The following LRRC37A2 variants were observed in gnomAD, a reference collection of about 807,000 sequenced individuals.
LRRC37A2 encodes leucine-rich repeat-containing protein 37A2.
In LRRC37A2, 9 loss-of-function variants were observed where a neutral mutation model predicts 68.8. The observed-to-expected ratio is 0.13, with a 90% CI of 0.08 to 0.23. The LOEUF is 0.23. LRRC37A2 is among the 10% of genes least tolerant of loss of function. The probability of loss-of-function intolerance (pLI) is 1.00; values close to 1 mark genes in which losing one functional copy is unlikely to be tolerated. For missense variants in LRRC37A2, 168 were observed against 950.4 expected, an observed-to-expected ratio of 0.18 and a Z score of 10.82; for synonymous variants, 63 against 367.6, an observed-to-expected ratio of 0.17 and a Z score of 9.48.
chr17:46,853,232 C>T, the LRRC37A2 span, among the ~76,000 whole-genome samples: 4 of 152,088 alleles, frequency 2.6e-5, no homozygotes, highest in African/African-American at 9.7e-5. Flanking sequence ...AACTTAACCT[C>T]TCTGTCTCTC....
the LRRC37A2 span, among the ~76,000 whole-genome samples, chr17:46,881,282 C>T: frequency 8.5e-5 from 13 of 152,258 alleles, no homozygotes; most frequent in Admixed American, 8.5e-4. Context: ...CCTACATTTC[C>T]ACCAGCATCC....
the LRRC37A2 span, among the ~76,000 whole-genome samples, chr17:46,739,370 CAAAAAAAAAA>C: frequency 1.9e-5 from 1 of 53,192 alleles, no homozygotes; most frequent in Admixed American, 3.5e-4. Context: ...GACTCTGTCT[CAAAAAAAAAA>C]AAAAAAAAAA....
At chr17:46,893,499 C>T in the LRRC37A2 span, among the ~76,000 whole-genome samples, 4 of 152,098 alleles carry the variant, frequency 2.6e-5, no homozygotes, top group African/African-American at 9.7e-5. Context: ...TTTCATTCTC[C>T]CCACCAGGCA....
chr17:46,496,648 C>T, the LRRC37A2 span, among the ~76,000 whole-genome samples: 1 of 128,956 alleles, frequency 7.8e-6, no homozygotes. Context: ...GGTGCAGTGG[C>T]TCATGCCTGT....
At chr17:46,791,183 T>C in the LRRC37A2 span, among the ~76,000 whole-genome samples, 5 of 151,804 alleles carry the variant, frequency 3.3e-5, no homozygotes, top group Non-Finnish European at 7.4e-5. Context: ...TGCAGCTACA[T>C]TTCCCCCCAA....
At chr17:46,985,338 G>A in the LRRC37A2 span, among the ~76,000 whole-genome samples, 1 of 152,036 alleles carries the variant, frequency 6.6e-6, no homozygotes, top group South Asian at 2.1e-4. Context: ...GACCAACATG[G>A]TGAAACCCTG....
the LRRC37A2 span, among the ~76,000 whole-genome samples, chr17:46,823,044 TTATAATAAATA>T: frequency 7.1e-6 from 1 of 141,788 alleles, no homozygotes; most frequent in East Asian, 2.0e-4. Context: ...AAATATGTAT[TTATAATAAATA>T]TGTATTTATA....
chr17:46,876,683 G>T, the LRRC37A2 span: 4 of 1,578,460 alleles, frequency 2.5e-6, no homozygotes, highest in Middle Eastern at 1.7e-4. Context: ...CCAGCAATGT[G>T]TGCAGGAGGA....
the LRRC37A2 span, among the ~76,000 whole-genome samples, chr17:46,765,899 C>A: frequency 6.6e-6 from 1 of 152,188 alleles, no homozygotes; most frequent in Non-Finnish European, 1.5e-5. Flanking sequence ...GAAGAGCTGG[C>A]CTGGGAGTGT....
chr17:46,996,976 C>G, the LRRC37A2 span, among the ~76,000 whole-genome samples: 1 of 152,164 alleles, frequency 6.6e-6, no homozygotes, highest in Admixed American at 6.5e-5. Context: ...GACTCCAGGT[C>G]ATGGAATAGT....
At chr17:46,813,537 G>T in the LRRC37A2 span, among the ~76,000 whole-genome samples, 4 of 151,974 alleles carry the variant, frequency 2.6e-5, no homozygotes, top group South Asian at 8.3e-4. Context: ...AGGATGTCTT[G>T]CCCTCCTTGG....
the LRRC37A2 span, among the ~76,000 whole-genome samples, chr17:47,012,049 C>A: frequency 6.6e-6 from 1 of 152,116 alleles, no homozygotes; most frequent in Non-Finnish European, 1.5e-5. Flanking sequence ...GGCTTCCCAC[C>A]ACCTCAGATT....
At chr17:46,787,735 A>G in the LRRC37A2 span, among the ~76,000 whole-genome samples, 2 of 152,160 alleles carry the variant, frequency 1.3e-5, no homozygotes, top group Admixed American at 1.3e-4. Context: ...AGGCAGATCA[A>G]CTGAAGTCAG....
chr17:46,872,419 G>A, the LRRC37A2 span: 1 of 1,390,912 alleles, frequency 7.2e-7, no homozygotes, highest in South Asian at 2.0e-5. Context: ...CTGCCCAGAA[G>A]GGCAGTAAAT....
At chr17:46,779,103 A>ACACACACACACCCCCCCCC in the LRRC37A2 span, among the ~76,000 whole-genome samples, 1 of 133,590 alleles carries the variant, frequency 7.5e-6, no homozygotes, top group Admixed American at 7.8e-5. Flanking sequence ...ACACACACAC[A>ACACACACACACCCCCCCCC]CCCCAGCCCA....
the LRRC37A2 span, among the ~76,000 whole-genome samples, chr17:46,761,321 T>G: frequency 2.3e-4 from 34 of 149,840 alleles, no homozygotes; most frequent in South Asian, 4.2e-4. Flanking sequence ...ATTTTCCTGG[T>G]TTTTTTTTGT....
chr17:46,794,397 C>T, the LRRC37A2 span, among the ~76,000 whole-genome samples: 16 of 152,214 alleles, frequency 1.1e-4, no homozygotes, highest in South Asian at 1.2e-3. Context: ...CTGGATCCCC[C>T]GACAGGACCT....
chr17:46,913,474 G>A, the LRRC37A2 span, among the ~76,000 whole-genome samples: 1 of 152,260 alleles, frequency 6.6e-6, no homozygotes, highest in African/African-American at 2.4e-5. Flanking sequence ...CCCCAAGGAA[G>A]GTGAATTCAG....
chr17:46,941,434 C>T, the LRRC37A2 span: 2 of 984,068 alleles, frequency 2.0e-6, no homozygotes, highest in Admixed American at 6.1e-5. Flanking sequence ...GTTTCTAGGC[C>T]AGAGATTCTC....
Sources: allele counts gnomAD v4.1 joint callset (sites outside exome capture counted in the v4.1 genomes callset), GRCh38; gene constraint gnomAD v4.1.1; transcripts MANE v1.5; gene names NCBI Gene and HGNC (gene_info 2026-07-23, HGNC 2026-07-21).